Variants in PHF2 observed in about 807,000 individuals in gnomAD.
The protein encoded by PHF2 is PHD finger protein 2.
In PHF2, 27 loss-of-function variants were observed where a neutral mutation model predicts 120.5. The ratio of observed to expected loss-of-function variants is 0.22; its 90% CI spans 0.17 to 0.31. The LOEUF is 0.31. Among genes scored for constraint, PHF2 ranks in the 10% least tolerant of loss-of-function variants. PHF2 has a pLI of 1.00. For missense variants in PHF2, 1,024 were observed against 1,434.8 expected (o/e 0.71, Z 4.63); for synonymous variants, 568 against 592.5 (o/e 0.96, Z 0.60).
chr9:93,675,599 G>T (rs989124861), intron 19 of PHF2, 81 bp from the exon 20 acceptor site: 2 of 1,062,614 alleles, frequency 1.9e-6, no homozygotes, highest in Non-Finnish European at 1.4e-6. Flanking sequence ...AGGCTGGGGT[G>T]GGGGCAGGGT....
rs776240827 is a variant in PHF2 at position 93,576,899 on chromosome 9, G to C, written c.98+28G>C. The C allele has an allele frequency of 9.1e-6, 8 of 882,178 alleles. No individual in the cohort carries two copies. In the Admixed American group the frequency reaches 3.5e-4, roughly 38 times the overall value. 54.6% of individuals were successfully genotyped at this position (882,178 alleles called of 1,614,324 possible). A position where few individuals can be genotyped will look rare whatever the true frequency, so the allele number is the denominator to read the frequency against. On this transcript the variant is annotated intron_variant, in intron 1 of 21. Coordinates refer to ENST00000359246, the MANE Select transcript of PHF2 (RefSeq NM_005392.4). ...GAGCGCGCGGCGGCTGCTCGGCTCG[G>C]CCCGGCCCGGCCCGGCCACCTTGCC...
At chr9:93,674,861 C>T (rs529037224) in intron 18 of PHF2, 66 bp from the exon 19 acceptor site, 4 of 1,176,300 alleles carry the variant, frequency 3.4e-6, no homozygotes, top group Admixed American at 1.7e-5. Context: ...ACCTGTACCC[C>T]CCCGCCCTCC....
intron 12 of PHF2, among the ~76,000 whole-genome samples, chr9:93,662,515 AATGG>A (rs1826589918): frequency 6.7e-6 from 1 of 148,360 alleles, no homozygotes; most frequent in Non-Finnish European, 1.5e-5. Context: ...GGGATGAACG[AATGG>A]ATGGATGGGT....
chr9:93,667,918 G>T (rs1297801379), intron 17 of PHF2, among the ~76,000 whole-genome samples: 5 of 152,180 alleles, frequency 3.3e-5, no homozygotes, highest in African/African-American at 7.2e-5. Flanking sequence ...CAGTTCCCAA[G>T]ATGTGCCTCA....
chr9:93,643,311 A>G (rs1826198833), intron 3 of PHF2, among the ~76,000 whole-genome samples: 1 of 152,140 alleles, frequency 6.6e-6, no homozygotes, highest in South Asian at 2.1e-4. Flanking sequence ...CACTGCTAGG[A>G]CGTTGGCATT....
intron 12 of PHF2, among the ~76,000 whole-genome samples, chr9:93,662,684 A>G (rs1287107465): frequency 1.3e-5 from 2 of 151,628 alleles, no homozygotes; most frequent in South Asian, 2.1e-4. Flanking sequence ...TGGCAGATGA[A>G]TGAACGGATG....
chr9:93,598,183 G>A (rs1393849880), intron 1 of PHF2, among the ~76,000 whole-genome samples: 1 of 152,246 alleles, frequency 6.6e-6, no homozygotes, highest in East Asian at 1.9e-4. Context: ...GGCTTGAGAA[G>A]TCCAGATGCC....
At chr9:93,653,146 G>A in intron 5 of PHF2, 33 bp from the exon 6 acceptor site, 1 of 1,603,022 alleles carries the variant, frequency 6.2e-7, no homozygotes, top group Middle Eastern at 1.7e-4. Flanking sequence ...GGGAGTCCCA[G>A]GTTCCCTCAC....
At chr9:93,597,856 T>G (rs1367673456) in intron 1 of PHF2, among the ~76,000 whole-genome samples, 2 of 152,116 alleles carry the variant, frequency 1.3e-5, no homozygotes, top group Non-Finnish European at 2.9e-5. Flanking sequence ...TAAAGAACTC[T>G]CCCCTCTTCC....
chr9:93,651,626 C>T (rs372632630), intron 5 of PHF2, among the ~76,000 whole-genome samples: 3 of 152,112 alleles, frequency 2.0e-5, no homozygotes, highest in Admixed American at 6.5e-5. Flanking sequence ...ACCCCCAGAC[C>T]GGAGAGATGC....
intron 1 of PHF2, among the ~76,000 whole-genome samples, chr9:93,601,151 C>T (rs567554198): frequency 2.1e-4 from 32 of 152,286 alleles, no homozygotes; most frequent in African/African-American, 7.2e-4. Context: ...TCCTTACTTC[C>T]CCTGCTATTT....
chr9:93,677,731 A>T lies in PHF2; in HGVS notation c.*55A>T. On this transcript the variant is annotated 3_prime_UTR_variant, in exon 22 of 22. Transcript: ENST00000359246. The surrounding 1 kb of genome is among the most constrained non-coding windows in gnomAD (Gnocchi z 4.4). ...GCTCAGGACCCCCGGAGCCCCGCGA[A>T]AACATCTGCCTCCCAGGAGGGTGCC... is the stretch of plus-strand genomic sequence containing the variant. The T allele has an allele frequency of 7.3e-7, 1 of 1,365,534 alleles. No homozygotes were observed. 84.6% of individuals were successfully genotyped at this position (1,365,534 alleles called of 1,614,324 possible).
chr9:93,614,854 ATGATGGTGATGATGGTGACAGTGATGG>A (rs1825696015), intron 1 of PHF2, among the ~76,000 whole-genome samples: 1 of 63,388 alleles, frequency 1.6e-5, no homozygotes, highest in South Asian at 1.4e-3. Context: ...GATAGTAATG[ATGATGGTGATGATGGTGACAGTGATGG>A]TGATGGTGAT....
intron 11 of PHF2, among the ~76,000 whole-genome samples, chr9:93,659,803 C>G (rs954319338): frequency 1.3e-5 from 2 of 152,224 alleles, no homozygotes; most frequent in African/African-American, 4.8e-5. Context: ...GGTCTGTGTC[C>G]TGGTGTGAGT....
chr9:93,636,859 T>C (rs1451518430), intron 3 of PHF2, among the ~76,000 whole-genome samples: 1 of 152,244 alleles, frequency 6.6e-6, no homozygotes, highest in African/African-American at 2.4e-5. Context: ...TGGCTCCCAG[T>C]CCTTCCTCTG....
chr9:93,667,228 A>G lies in PHF2; in HGVS notation c.2336A>G (p.Tyr779Cys). 7 of 1,610,486 alleles carry G rather than the reference A, an allele frequency of 4.3e-6. No homozygotes were observed. Among genetic ancestry groups the G allele is most frequent in the Non-Finnish European group, 5.9e-6 (7 of 1,178,964 alleles). ...QASEEVGALE[Y>C]NPSSQPPASP... is the part of the protein sequence containing the mutation. ...AGTGAGGAGGTTGGCGCGCTGGAGT[A>G]CAACCCCAGCAGGTGGGCCCCACCA... is the stretch of plus-strand genomic sequence containing the variant. The change falls in exon 17 of 22, where the codon TAC (tyrosine) becomes TGC (cysteine). Residue 779 changes from tyrosine (Y) to cysteine (C), a missense_variant. By Grantham distance (194) the Tyr-to-Cys change is radical. This residue lies in a region of PHF2 where 677 missense variants were observed against 857.4 expected (regional missense o/e 0.79). Coordinates refer to ENST00000359246, the MANE Select transcript of PHF2 (RefSeq NM_005392.4).
chr9:93,667,591 A>G (rs1018862231), intron 17 of PHF2, among the ~76,000 whole-genome samples: 2 of 151,978 alleles, frequency 1.3e-5, no homozygotes, highest in African/African-American at 2.4e-5. Flanking sequence ...AGCCCCCTCC[A>G]TGGTGCCCCT....
chr9:93,653,411 C>A (rs1350995096), intron 6 of PHF2, 46 bp downstream of exon 6: 3 of 1,587,836 alleles, frequency 1.9e-6, no homozygotes, highest in East Asian at 2.2e-5. Flanking sequence ...ATGGCCATGA[C>A]CCATCTGCAG....
intron 1 of PHF2, among the ~76,000 whole-genome samples, chr9:93,616,004 G>T (rs1000515430): frequency 1.3e-5 from 2 of 152,202 alleles, no homozygotes; most frequent in South Asian, 2.1e-4. Context: ...TTAGGAAACC[G>T]CAGGAAAGTA....
Sources: gnomAD v4.1 joint callset for allele counts (sites outside exome capture counted in the v4.1 genomes callset) on GRCh38, gnomAD v4.1.1 for gene constraint, gnomAD v4.1.1 regional missense constraint, Gnocchi (gnomAD v3.1) non-coding constraint, MANE v1.5 for transcripts, NCBI Gene and HGNC (gene_info 2026-07-23, HGNC 2026-07-21) for gene names.